The following DLG2 variants were observed in gnomAD, a reference collection of about 807,000 sequenced individuals.
The protein encoded by DLG2 is disks large homolog 2.
DLG2 carries 45 observed loss-of-function variants against 132.5 expected under a neutral mutation model. The observed-to-expected ratio is 0.34, with a 90% confidence interval of 0.27 to 0.44. The LOEUF is 0.44. Ranked by LOEUF, DLG2 falls within the 20% of genes least tolerant of loss-of-function variation. DLG2 has a pLI of 1.00. For synonymous variants in DLG2, 424 were observed against 419.6 expected (o/e 1.01, Z -0.13); for missense variants, 1,045 against 1,196.9 (o/e 0.87, Z 1.87).
At chr11:85,435,947 C>A (rs181632901) in intron 3 of DLG2, among the ~76,000 whole-genome samples, 296 of 152,134 alleles carry the variant, frequency 1.9e-3, no homozygotes, top group Non-Finnish European at 3.3e-3. Context: ...CAGCATGGTA[C>A]TAGTACCAAA....
chr11:83,523,036 T>G (rs1299370530), intron 21 of DLG2, among the ~76,000 whole-genome samples: 1 of 152,244 alleles, frequency 6.6e-6, no homozygotes, highest in Non-Finnish European at 1.5e-5. Context: ...GCAAGTCAGA[T>G]GACTGGACAT....
At chr11:85,162,265 G>A (rs1289379125) in intron 4 of DLG2, among the ~76,000 whole-genome samples, 1 of 152,208 alleles carries the variant, frequency 6.6e-6, no homozygotes, top group East Asian at 1.9e-4. Flanking sequence ...GTATTACCAT[G>A]CCCTGTGATT....
intron 6 of DLG2, among the ~76,000 whole-genome samples, chr11:84,729,432 G>C (rs1251992898): frequency 6.6e-6 from 1 of 152,110 alleles, no homozygotes; most frequent in Non-Finnish European, 1.5e-5. Flanking sequence ...ATTGCACTGT[G>C]GTCCGAGAGA....
At chr11:84,777,154 T>G (rs751031200) in intron 6 of DLG2, among the ~76,000 whole-genome samples, 1 of 151,610 alleles carries the variant, frequency 6.6e-6, no homozygotes, top group African/African-American at 2.4e-5. Context: ...TATTTGACTT[T>G]CTGTGTTTGA....
intron 6 of DLG2, among the ~76,000 whole-genome samples, chr11:84,572,538 T>C (rs1300137872): frequency 6.6e-6 from 1 of 152,108 alleles, no homozygotes; most frequent in Non-Finnish European, 1.5e-5. Flanking sequence ...CAACCAAGCC[T>C]GGCCTAGGTA....
rs117487406 is a variant in DLG2, at chr11:83,509,532, A to G, written c.2193+23176T>C. On this transcript the variant is annotated intron_variant, in intron 21 of 27. Transcript: ENST00000376104. The stretch of plus-strand genomic sequence containing the variant: ...GTGCTTTTTTCCTTTTTGACTACTC[A>G]TGGTACTCCATCTCTCAGACTTATG... Among the ~76,000 whole-genome samples the G allele has an allele frequency of 9.1e-3, 1,390 of 152,190 alleles. 10 individuals carry two copies. Among genetic ancestry groups the G allele is most frequent in the South Asian group, 0.042 (200 of 4,818 alleles).
rs1430513255 is a variant in DLG2, at chr11:84,350,177, C to CCA, written c.520-98887_520-98886insTG. Among the ~76,000 whole-genome samples, 25 of 143,528 alleles carry CCA rather than the reference C, an allele frequency of 1.7e-4. No individual in the cohort carries two copies. In the East Asian group the frequency reaches 4.1e-3, roughly 24 times the overall value. 94.2% of individuals were successfully genotyped at this position (143,528 alleles called of 152,430 possible). ...TGGGCGACAGAGAGAGACTTCGTCC[C>CCA]CCCCCCCAAAAAAAAAAAAAAAAAA... is the stretch of plus-strand genomic sequence containing the variant. On this transcript the variant is annotated intron_variant, in intron 7 of 27. Transcript: ENST00000376104.
intron 3 of DLG2, among the ~76,000 whole-genome samples, chr11:85,591,792 C>T (rs564874812): frequency 7.9e-5 from 12 of 152,160 alleles, no homozygotes; most frequent in Non-Finnish European, 1.3e-4. Context: ...GGTTAAGCCT[C>T]TCATTCATAG....
At chr11:85,010,201 T>C (rs1225135498) in intron 6 of DLG2, among the ~76,000 whole-genome samples, 2 of 152,080 alleles carry the variant, frequency 1.3e-5, no homozygotes, top group Admixed American at 6.6e-5. Context: ...CTGCTTTCTA[T>C]ACTATAATAG....
chr11:83,510,142 T>G (rs1288186274), intron 21 of DLG2, among the ~76,000 whole-genome samples: 2 of 152,178 alleles, frequency 1.3e-5, no homozygotes, highest in Non-Finnish European at 2.9e-5. Context: ...TTAAGTGAGA[T>G]GACCCTGATG....
chr11:85,476,952 T>C (rs927838660), intron 3 of DLG2, among the ~76,000 whole-genome samples: 4 of 152,164 alleles, frequency 2.6e-5, no homozygotes, highest in Non-Finnish European at 5.9e-5. Flanking sequence ...TTATGTACTG[T>C]ACATAATTTT....
intron 7 of DLG2, among the ~76,000 whole-genome samples, chr11:84,396,400 A>G (rs540850574): frequency 1.9e-4 from 29 of 152,330 alleles, no homozygotes; most frequent in African/African-American, 7.0e-4. Flanking sequence ...AAAAAAATAT[A>G]TGGTGCAATT....
intron 8 of DLG2, among the ~76,000 whole-genome samples, chr11:84,212,766 C>T (rs1434962591): frequency 6.6e-6 from 1 of 152,186 alleles, no homozygotes; most frequent in African/African-American, 2.4e-5. Flanking sequence ...TCAAGCGAAT[C>T]TACTGCCTCA....
chr11:83,761,679 A>T (rs1014751766), intron 18 of DLG2, among the ~76,000 whole-genome samples: 4 of 152,144 alleles, frequency 2.6e-5, no homozygotes, highest in African/African-American at 7.2e-5. Context: ...AAATGGCTAC[A>T]TAGACATCTC....
chr11:85,009,723 C>T (rs150963767), intron 6 of DLG2, among the ~76,000 whole-genome samples: 48 of 152,074 alleles, frequency 3.2e-4, no homozygotes, highest in Middle Eastern at 3.4e-3. Context: ...TTATTTTAAA[C>T]GCAAAACCCA....
chr11:85,599,532 G>A (rs1409646745), intron 2 of DLG2, among the ~76,000 whole-genome samples: 1 of 152,176 alleles, frequency 6.6e-6, no homozygotes, highest in East Asian at 1.9e-4. Flanking sequence ...TACTAGCTGT[G>A]TGTGACCTTT....
At chr11:84,939,379 A>T (rs1048303998) in intron 6 of DLG2, among the ~76,000 whole-genome samples, 1 of 152,128 alleles carries the variant, frequency 6.6e-6, no homozygotes, top group African/African-American at 2.4e-5. Context: ...CACCTCAAGG[A>T]TTTATCAATT....
At chr11:84,808,388 C>G (rs1346583850) in intron 6 of DLG2, among the ~76,000 whole-genome samples, 1 of 151,718 alleles carries the variant, frequency 6.6e-6, no homozygotes, top group Non-Finnish European at 1.5e-5. Flanking sequence ...AGATAAAAGT[C>G]TCAAATAATT....
chr11:85,491,352 CT>C (rs2093556490), intron 3 of DLG2, among the ~76,000 whole-genome samples: 1 of 152,058 alleles, frequency 6.6e-6, no homozygotes, highest in South Asian at 2.1e-4. Context: ...CCTCTAAGAA[CT>C]GGAACAAGAC....
Sources: allele counts gnomAD v4.1 joint callset (sites outside exome capture counted in the v4.1 genomes callset), GRCh38; gene constraint gnomAD v4.1.1; transcripts MANE v1.5; gene names NCBI Gene and HGNC (gene_info 2026-07-23, HGNC 2026-07-21).